Variants in FTCDNL1 observed in about 807,000 individuals in gnomAD.
The protein encoded by FTCDNL1 is formiminotransferase cyclodeaminase N-terminal like.
Under a neutral mutation model 5.9 loss-of-function variants are expected in FTCDNL1, and 11 were observed. The ratio of observed to expected loss-of-function variants is 1.87; its 90% CI spans 1.18 to 3.10. FTCDNL1 has a LOEUF of 3.10. FTCDNL1 is among the 30% of genes most tolerant of loss of function. FTCDNL1 has a pLI of 0.00. For synonymous variants in FTCDNL1, 58 were observed against 24.8 expected (o/e 2.34, Z -3.99); for missense variants, 115 against 65.5 (o/e 1.76, Z -2.61).
chr2:199,710,938 G>C, the FTCDNL1 span, among the ~76,000 whole-genome samples: 1 of 152,102 alleles, frequency 6.6e-6, no homozygotes, highest in East Asian at 1.9e-4. Context: ...ATGTTCTATA[G>C]AGTGCCACAG....
the FTCDNL1 span, among the ~76,000 whole-genome samples, chr2:199,694,033 G>A: frequency 6.6e-6 from 1 of 152,208 alleles, no homozygotes; most frequent in Admixed American, 6.5e-5. Flanking sequence ...GGTAAGGATT[G>A]GGTATTTAAT....
chr2:199,738,400 G>C, the FTCDNL1 span, among the ~76,000 whole-genome samples: 22 of 152,190 alleles, frequency 1.4e-4, no homozygotes, highest in Admixed American at 1.4e-3. Flanking sequence ...TATTAATAAA[G>C]AGCCTGGTTT....
chr2:199,697,224 A>G, the FTCDNL1 span, among the ~76,000 whole-genome samples: 1 of 152,158 alleles, frequency 6.6e-6, no homozygotes, highest in Admixed American at 6.5e-5. Flanking sequence ...ATGAGCAGAG[A>G]TCACGCCGCT....
chr2:199,786,105 C>A (rs113740857), intron 3 of FTCDNL1, among the ~76,000 whole-genome samples: 1 of 152,060 alleles, frequency 6.6e-6, no homozygotes, highest in South Asian at 2.1e-4. Flanking sequence ...TCCTGCTGTG[C>A]GGCCCAGTTC....
the FTCDNL1 span, among the ~76,000 whole-genome samples, chr2:199,678,821 T>C: frequency 6.6e-6 from 1 of 152,116 alleles, no homozygotes; most frequent in South Asian, 2.1e-4. Flanking sequence ...ATATTATAAC[T>C]CATTTAATTA....
the FTCDNL1 span, among the ~76,000 whole-genome samples, chr2:199,749,623 C>A: frequency 1.3e-5 from 2 of 152,222 alleles, no homozygotes; most frequent in South Asian, 4.1e-4. Flanking sequence ...GTACCAGGCA[C>A]TATCTTATTC....
intron 3 of FTCDNL1, among the ~76,000 whole-genome samples, chr2:199,766,002 A>G (rs1229889141): frequency 6.6e-6 from 1 of 152,038 alleles, no homozygotes; most frequent in Non-Finnish European, 1.5e-5. Flanking sequence ...CTTAGTGGCA[A>G]TAAGTCTTTT....
At chr2:199,708,645 C>G in the FTCDNL1 span, among the ~76,000 whole-genome samples, 89 of 152,210 alleles carry the variant, frequency 5.8e-4, no homozygotes, top group Middle Eastern at 6.8e-3. Flanking sequence ...TTCACCTTCA[C>G]TATGAAGACA....
At chr2:199,724,332 C>A in the FTCDNL1 span, among the ~76,000 whole-genome samples, 1 of 151,844 alleles carries the variant, frequency 6.6e-6, no homozygotes, top group Non-Finnish European at 1.5e-5. Flanking sequence ...TTTCAAAAAA[C>A]CCAGCTCCTG....
intron 3 of FTCDNL1, among the ~76,000 whole-genome samples, chr2:199,793,236 T>C (rs1224251097): frequency 1.3e-5 from 2 of 152,112 alleles, no homozygotes; most frequent in African/African-American, 4.8e-5. Context: ...AAATAATACA[T>C]GAGATCAGAA....
Position 199,786,133 on chromosome 2 carries a change from AGTACCTG to A in FTCDNL1, c.212-25305_212-25299del, listed in dbSNP as rs1327175642. 5.3e-5 allele frequency among the ~76,000 whole-genome samples: 8 copies of A among 152,058 alleles called. No homozygotes were observed. The East Asian group carries it at 1.2e-3, about 22-fold the overall frequency. On this transcript the variant is annotated intron_variant, in intron 3 of 3. Coordinates refer to the FTCDNL1 transcript ENST00000416668. ...CCCAGTTCCTAACAGGCCACAGACC[AGTACCTG>A]TCTGTGGCCTGGCAATTGAGGACCC...
At chr2:199,742,227 C>T in the FTCDNL1 span, among the ~76,000 whole-genome samples, 1 of 152,076 alleles carries the variant, frequency 6.6e-6, no homozygotes, top group Non-Finnish European at 1.5e-5. Context: ...GAAGACTCCC[C>T]CACTACCCCC....
chr2:199,827,053 T>C (rs1210171365), intron 3 of FTCDNL1, among the ~76,000 whole-genome samples: 4 of 152,224 alleles, frequency 2.6e-5, no homozygotes, highest in Non-Finnish European at 5.9e-5. Flanking sequence ...AGGCAGCTGA[T>C]GTTTGTATCA....
chr2:199,823,168 G>A (rs62178297), intron 3 of FTCDNL1, among the ~76,000 whole-genome samples: 12,896 of 152,158 alleles, frequency 0.085, 757 homozygotes, highest in Middle Eastern at 0.15. Flanking sequence ...GTTTTATCAC[G>A]AGATTTCAGC....
chr2:199,844,724 A>G (rs1319685338), intron 3 of FTCDNL1, among the ~76,000 whole-genome samples: 1 of 152,136 alleles, frequency 6.6e-6, no homozygotes, highest in Non-Finnish European at 1.5e-5. Context: ...AAAACTTGAC[A>G]TTTCTTCCAG....
chr2:199,763,360 T>C (rs1354818126), intron 3 of FTCDNL1, among the ~76,000 whole-genome samples: 1 of 152,110 alleles, frequency 6.6e-6, no homozygotes, highest in South Asian at 2.1e-4. Flanking sequence ...TGTGGGTGAT[T>C]TGCATTCTCC....
the FTCDNL1 span, among the ~76,000 whole-genome samples, chr2:199,741,807 A>G: frequency 6.6e-6 from 1 of 151,818 alleles, no homozygotes; most frequent in Non-Finnish European, 1.5e-5. Context: ...TGAAAATCCT[A>G]CAGTAAAAAA....
At chr2:199,790,098 A>C (rs990130269) in intron 3 of FTCDNL1, among the ~76,000 whole-genome samples, 5 of 152,194 alleles carry the variant, frequency 3.3e-5, no homozygotes, top group Non-Finnish European at 5.9e-5. Flanking sequence ...AAGAGAAAGA[A>C]TTAGATAATT....
At chr2:199,742,711 C>T in the FTCDNL1 span, among the ~76,000 whole-genome samples, 1 of 152,118 alleles carries the variant, frequency 6.6e-6, no homozygotes, top group Non-Finnish European at 1.5e-5. Context: ...AAGTCATTTG[C>T]TCAAGGTTAC....
Sources: allele counts gnomAD v4.1 joint callset (sites outside exome capture counted in the v4.1 genomes callset), GRCh38; gene constraint gnomAD v4.1.1; transcripts MANE v1.5; gene names NCBI Gene and HGNC (gene_info 2026-07-23, HGNC 2026-07-21).